The following RSPH6A variants were observed in gnomAD, a reference collection of about 807,000 sequenced individuals.
RSPH6A encodes radial spoke head protein 6 homolog A.
A neutral mutation model predicts 66.1 loss-of-function variants in RSPH6A; 49 were observed. The ratio of observed to expected loss-of-function variants is 0.74; its 90% CI spans 0.59 to 0.94. The LOEUF is 0.94. Ranked by LOEUF, RSPH6A falls within the 40% of genes least tolerant of loss-of-function variation. The pLI, the probability that RSPH6A is intolerant of heterozygous loss-of-function variation, is 0.00. For missense variants in RSPH6A, 977 were observed against 948.3 expected, an observed-to-expected ratio of 1.03 and a Z score of -0.40; for synonymous variants, 419 against 402.4, an observed-to-expected ratio of 1.04 and a Z score of -0.49.
chr19:45,802,467 G>T (rs1970485689), intron 3 of RSPH6A, among the ~76,000 whole-genome samples: 1 of 151,572 alleles, frequency 6.6e-6, no homozygotes, highest in African/African-American at 2.4e-5. Context: ...ACTCCTGACT[G>T]TGCGACCCCC....
At chr19:45,800,388 C>T in intron 5 of RSPH6A, 58 bp downstream of exon 5, 1 of 1,525,976 alleles carries the variant, frequency 6.6e-7, no homozygotes, top group Non-Finnish European at 9.0e-7. Context: ...CCAGCCCAAC[C>T]AGGCTTGAAG....
At chr19:45,805,776 T>C (rs1183501731) in intron 2 of RSPH6A, among the ~76,000 whole-genome samples, 1 of 152,150 alleles carries the variant, frequency 6.6e-6, no homozygotes, top group Admixed American at 6.6e-5. Flanking sequence ...GCCAGTGAGA[T>C]GTAGGGAAAG....
Position 45,804,761 on chromosome 19 carries a change from C to T in RSPH6A, c.1144G>A (p.Glu382Lys), listed in dbSNP as rs1158801086. ...TCCTCGCCGTGCGCCTCCATGACCT[C>T]GCCACCTTCCGTCATCTCCTCCACC... The part of the protein sequence containing the change: ...EEVEEMTEGG[E>K]VMEAHGEEEG... Residue 382 changes from glutamate to lysine, a missense_variant, in exon 3 of 6, where the codon GAG becomes AAG. Physicochemically the swap from Glu to Lys is moderately conservative, Grantham distance 56. Transcript: ENST00000221538. The surrounding 1 kb of genome is among the most constrained non-coding windows in gnomAD (Gnocchi z 5.8). The T allele has an allele frequency of 4.3e-6, 7 of 1,612,560 alleles. No individual in the cohort carries two copies. Among genetic ancestry groups the T allele is most frequent in the South Asian group, 1.1e-5 (1 of 90,938 alleles).
intron 2 of RSPH6A, among the ~76,000 whole-genome samples, chr19:45,805,958 C>T (rs779323083): frequency 1.3e-5 from 2 of 152,200 alleles, no homozygotes; most frequent in East Asian, 1.9e-4. Flanking sequence ...CAAAGTACTA[C>T]ACCCTTAATG....
At chr19:45,807,938 C>A (rs2146287195) in intron 2 of RSPH6A, among the ~76,000 whole-genome samples, 1 of 152,282 alleles carries the variant, frequency 6.6e-6, no homozygotes, top group South Asian at 2.1e-4. Context: ...AGCCACCTTG[C>A]AAGACTAGGA....
intron 5 of RSPH6A, among the ~76,000 whole-genome samples, chr19:45,799,628 T>G (rs1054430452): frequency 1.3e-5 from 2 of 152,108 alleles, no homozygotes; most frequent in African/African-American, 4.8e-5. Flanking sequence ...TCCTCCCACC[T>G]TGGCAACCCA....
At chr19:45,807,790 C>T (rs866887034) in intron 2 of RSPH6A, among the ~76,000 whole-genome samples, 2 of 152,208 alleles carry the variant, frequency 1.3e-5, no homozygotes, top group Admixed American at 6.6e-5. Context: ...ACATAACAGG[C>T]GTGAGCCACT....
chr19:45,795,916 C>T lies in RSPH6A; in HGVS notation c.2107G>A (p.Glu703Lys), dbSNP rs937223405. 1 of 1,613,526 alleles carries T rather than the reference C, an allele frequency of 6.2e-7. No homozygotes were observed. The highest frequency in any genetic ancestry group is 1.3e-5 in the African/African-American group (1 of 74,780). Reference protein sequence around the residue: ...QEQALGATEEEEEGEEEEEGE... With the variant: ...QEQALGATEEKEEGEEEEEGE... ...TCCTCCTCCTCCTCGCCCTCCTCCT[C>T]CTCCTCTGTGGCTCCCAGGGCTTGT... The change falls in exon 6 of 6, where the codon GAG becomes AAG. Residue 703 changes from glutamate (E) to lysine (K), a missense_variant. Coordinates refer to ENST00000221538, the MANE Select transcript of RSPH6A (RefSeq NM_030785.4).
chr19:45,803,625 C>G (rs181808621), intron 3 of RSPH6A, among the ~76,000 whole-genome samples: 2 of 149,508 alleles, frequency 1.3e-5, no homozygotes, highest in Non-Finnish European at 3.0e-5. Context: ...TGCGGTGAGC[C>G]GAGATCACGC....
chr19:45,803,930 T>C (rs970745122), intron 3 of RSPH6A, among the ~76,000 whole-genome samples: 1 of 147,634 alleles, frequency 6.8e-6, no homozygotes, highest in African/African-American at 2.5e-5. Context: ...GAGGTGGAGG[T>C]TGCAGTGAGC....
At position 45,804,772 on chromosome 19, in the gene RSPH6A, G is replaced by A. The variant is rs138038020; in HGVS notation, c.1133C>T (p.Thr378Met). 2.9e-4 allele frequency: 475 copies of A among 1,611,774 alleles called. No homozygotes were observed. The highest frequency in any genetic ancestry group is 4.9e-4 in the Middle Eastern group (3 of 6,076). ...CGCCTCCATGACCTCGCCACCTTCC[G>A]TCATCTCCTCCACCTCCTCCTCCTC... ...EAEEEEVEEM[T>M]EGGEVMEAHG... The change falls in exon 3 of 6, where the codon ACG becomes ATG. Residue 378 changes from threonine (T) to methionine (M), a missense_variant. Transcript: ENST00000221538. The surrounding 1 kb of genome is among the most constrained non-coding windows in gnomAD (Gnocchi z 5.8).
chr19:45,805,021 G>A lies in RSPH6A; in HGVS notation c.889-5C>T, dbSNP rs534523764. 23 of 1,603,322 alleles carry A rather than the reference G, an allele frequency of 1.4e-5. No individual in the cohort carries two copies. Among genetic ancestry groups the A allele is most frequent in the South Asian group, 1.1e-4 (10 of 90,572 alleles). ...GTTGGGCACTGGTGTCTCCCCCTGCGCAGGGTAGGGTGGAGGGCAGAGGGG... is the reference window on the plus strand; with the variant it reads ...GTTGGGCACTGGTGTCTCCCCCTGCACAGGGTAGGGTGGAGGGCAGAGGGG... On this transcript the variant is annotated splice_region_variant and splice_polypyrimidine_tract_variant and intron_variant, in intron 2 of 5. Coordinates refer to ENST00000221538, the MANE Select transcript of RSPH6A (RefSeq NM_030785.4).
chr19:45,802,271 G>GT lies in RSPH6A; in HGVS notation c.1654-8dup. The GT allele has an allele frequency of 7.3e-7, 1 of 1,374,724 alleles. No homozygotes were observed. The highest frequency in any genetic ancestry group is 1.9e-5 in the South Asian group (1 of 53,552). 85.2% of individuals were successfully genotyped at this position (1,374,724 alleles called of 1,614,324 possible). On this transcript the variant is annotated splice_polypyrimidine_tract_variant and splice_region_variant and intron_variant, in intron 3 of 5. Transcript: ENST00000221538. ...TCACCCAAGTGCAGCGGCCCTGGGG[G>GT]TGGGGGGAAGCTCAGGTGATGGCCC...
In RSPH6A at chr19:45,804,206, C is replaced by G; in HGVS notation, c.1653+46G>C. 1 of 1,490,994 alleles carries G rather than the reference C, an allele frequency of 6.7e-7. No homozygotes were observed. 92.4% of individuals were successfully genotyped at this position (1,490,994 alleles called of 1,614,324 possible). On this transcript the variant is annotated intron_variant, in intron 3 of 5. Coordinates refer to ENST00000221538, the MANE Select transcript of RSPH6A (RefSeq NM_030785.4). The surrounding 1 kb of genome is among the most constrained non-coding windows in gnomAD (Gnocchi z 5.8). ...TCAGTATTGCAGGGTCATGCGTGAG[C>G]CCCCTGCTCCTGCCGTTTGTGAGAG...
At position 45,810,802 on chromosome 19, in the gene RSPH6A, T is replaced by G. The variant is rs1455841554; in HGVS notation, c.689A>C (p.Asn230Thr). 8 of 1,612,948 alleles carry G rather than the reference T, an allele frequency of 5.0e-6. No individual in the cohort carries two copies. Among genetic ancestry groups the G allele is most frequent in the Non-Finnish European group, 5.1e-6 (6 of 1,179,236 alleles). ...AGACAAGGGGTCCTCAGGCCGCTGGTTCAGGATCTTGGTCAGCAGATTCAC... is the reference window on the plus strand; with the variant it reads ...AGACAAGGGGTCCTCAGGCCGCTGGGTCAGGATCTTGGTCAGCAGATTCAC... ...HLVNLLTKILNQRPEDPLSVL... is the reference protein window; with the variant it reads ...HLVNLLTKILTQRPEDPLSVL... The change falls in exon 2 of 6, where the codon AAC becomes ACC. Residue 230 changes from asparagine (N) to threonine (T), a missense_variant. Asn to Thr is a moderately conservative substitution (Grantham distance 65, BLOSUM62 0). Coordinates refer to ENST00000221538, the MANE Select transcript of RSPH6A (RefSeq NM_030785.4).
intron 4 of RSPH6A, 121 bp downstream of exon 4, chr19:45,801,999 A>C: frequency 9.6e-7 from 1 of 1,037,332 alleles, no homozygotes; most frequent in Non-Finnish European, 1.3e-6. Context: ...TTTTTAGCTG[A>C]GAGAGCCTCT....
At chr19:45,797,416 C>CA (rs547245670) in intron 5 of RSPH6A, among the ~76,000 whole-genome samples, 7 of 150,088 alleles carry the variant, frequency 4.7e-5, no homozygotes, top group Non-Finnish European at 4.4e-5. Context: ...CTAAAAATAA[C>CA]AAAAAAAATT....
Position 45,803,204 on chromosome 19 carries a change from G to A in RSPH6A, c.1654-940C>T, listed in dbSNP as rs560298500. On this transcript the variant is annotated intron_variant, in intron 3 of 5. Coordinates refer to ENST00000221538, the MANE Select transcript of RSPH6A (RefSeq NM_030785.4). ...AGCCTGGGCAATAGAGCGAGACTCC[G>A]TCTCAGAAAAAAAAAAAAAAAAAGC... Among the ~76,000 whole-genome samples the A allele has an allele frequency of 2.3e-4, 28 of 123,188 alleles. 1 individual carries two copies. The South Asian group carries it at 3.6e-3, about 16-fold the overall frequency. The allele number at this position is 123,188 out of a possible 152,430, so 80.8% of individuals were successfully genotyped here. A position where few individuals can be genotyped will look rare whatever the true frequency, so the allele number is the denominator to read the frequency against.
chr19:45,803,835 T>C (rs2146284251), intron 3 of RSPH6A, among the ~76,000 whole-genome samples: 1 of 149,160 alleles, frequency 6.7e-6, no homozygotes, highest in African/African-American at 2.5e-5. Flanking sequence ...TCTACTAAAA[T>C]ACAAAAAATT....
Sources: gnomAD v4.1 joint callset for allele counts (sites outside exome capture counted in the v4.1 genomes callset) on GRCh38, gnomAD v4.1.1 for gene constraint, Gnocchi (gnomAD v3.1) non-coding constraint, MANE v1.5 for transcripts, NCBI Gene and HGNC (gene_info 2026-07-23, HGNC 2026-07-21) for gene names.